The following SAE1 variants were observed in gnomAD, a reference collection of about 807,000 sequenced individuals.
SAE1 encodes the protein SUMO-activating enzyme subunit 1.
A neutral mutation model predicts 40.6 loss-of-function variants in SAE1; 11 were observed. That is an observed-to-expected ratio of 0.27 (90% CI 0.17 to 0.45). The LOEUF (loss-of-function observed/expected upper bound fraction) is 0.45. SAE1 is among the 20% of genes least tolerant of loss of function. The pLI is 1.00. For synonymous variants in SAE1, 155 were observed against 154.3 expected (o/e 1.00, Z -0.03); for missense variants, 373 against 427.3 (o/e 0.87, Z 1.12).
At chr19:47,147,358 A>G (rs1406456386) in intron 2 of SAE1, among the ~76,000 whole-genome samples, 1 of 149,434 alleles carries the variant, frequency 6.7e-6, no homozygotes, top group Non-Finnish European at 1.5e-5. Flanking sequence ...GGTGCACGCC[A>G]CCACACCTGG....
At chr19:47,181,039 C>T (rs1174374920) in intron 6 of SAE1, among the ~76,000 whole-genome samples, 5 of 151,950 alleles carry the variant, frequency 3.3e-5, no homozygotes, top group African/African-American at 9.7e-5. Flanking sequence ...AAAGAGGCCC[C>T]GGCGTGGTGG....
chr19:47,181,510 ACT>A (rs2073204076), intron 6 of SAE1, among the ~76,000 whole-genome samples: 1 of 110,728 alleles, frequency 9.0e-6, no homozygotes, highest in South Asian at 2.7e-4. Context: ...ATGGAGTCTC[ACT>A]CTGTCGCCCA....
rs34836827 is a variant in SAE1 at position 47,170,503 on chromosome 19, C to CTTTT, written c.733+598_733+601dup. 8.1e-4 allele frequency among the ~76,000 whole-genome samples: 68 copies of CTTTT among 83,926 alleles called. 2 individuals are homozygous for CTTTT. The highest frequency in any genetic ancestry group is 1.1e-3 in the East Asian group (3 of 2,708). 55.1% of individuals were successfully genotyped at this position (83,926 alleles called of 152,430 possible). ...CCAACTTCTCTTCACCGCCCCCCGC[C>CTTTT]TTTTTTTTTTTTTTTTTTTTTGAGA... On this transcript the variant is annotated intron_variant, in intron 6 of 8. Coordinates refer to ENST00000270225, the MANE Select transcript of SAE1 (RefSeq NM_005500.3).
intron 6 of SAE1, among the ~76,000 whole-genome samples, chr19:47,175,631 G>T (rs932885552): frequency 1.3e-5 from 2 of 152,192 alleles, no homozygotes; most frequent in African/African-American, 4.8e-5. Flanking sequence ...CCAGCTACTT[G>T]GGAGGCTGAG....
intron 6 of SAE1, among the ~76,000 whole-genome samples, chr19:47,177,310 C>T (rs2058475354): frequency 1.3e-5 from 2 of 152,188 alleles, no homozygotes; most frequent in South Asian, 4.1e-4. Flanking sequence ...GTGAGGACAG[C>T]TATAACAGAG....
At chr19:47,206,355 G>C (rs2058686640) in intron 8 of SAE1, among the ~76,000 whole-genome samples, 1 of 152,170 alleles carries the variant, frequency 6.6e-6, no homozygotes, top group Admixed American at 6.5e-5. Context: ...TCAGCCAGCT[G>C]GCAGGCGGGG....
intron 6 of SAE1, among the ~76,000 whole-genome samples, chr19:47,187,129 G>T (rs2058549335): frequency 6.6e-6 from 1 of 152,192 alleles, no homozygotes; most frequent in Non-Finnish European, 1.5e-5. Flanking sequence ...GTAAACAAAG[G>T]AAAGTAATGT....
intron 6 of SAE1, among the ~76,000 whole-genome samples, chr19:47,189,015 C>G (rs1026403395): frequency 2.6e-5 from 4 of 152,178 alleles, no homozygotes; most frequent in African/African-American, 9.7e-5. Context: ...CTCTGAAATG[C>G]TGTGAGAGGG....
At chr19:47,144,732 A>G (rs1459209075) in intron 2 of SAE1, among the ~76,000 whole-genome samples, 1 of 152,098 alleles carries the variant, frequency 6.6e-6, no homozygotes, top group Non-Finnish European at 1.5e-5. Context: ...ACAAAAACAA[A>G]CAACACTGGA....
At chr19:47,203,293 G>T (rs2058665615) in intron 7 of SAE1, among the ~76,000 whole-genome samples, 1 of 152,164 alleles carries the variant, frequency 6.6e-6, no homozygotes, top group Non-Finnish European at 1.5e-5. Context: ...TCTGGGAATA[G>T]CATATAGAAC....
rs552744651 is a variant in SAE1, at chr19:47,144,331, C to T, written c.210+726C>T. Among the ~76,000 whole-genome samples the T allele has an allele frequency of 2.0e-4, 29 of 147,946 alleles. 1 individual carries two copies. In the South Asian group the frequency reaches 6.2e-3, roughly 32 times the overall value. ...CCTGGGCAACAGAGTGAGACTTTGCCTTAAAAAGAAATAAATTAATGAAAG... is the reference window on the plus strand; with the variant it reads ...CCTGGGCAACAGAGTGAGACTTTGCTTTAAAAAGAAATAAATTAATGAAAG... On this transcript the variant is annotated intron_variant, in intron 2 of 8. Transcript: ENST00000270225.
At chr19:47,171,766 G>T (rs991134677) in intron 6 of SAE1, among the ~76,000 whole-genome samples, 1 of 147,444 alleles carries the variant, frequency 6.8e-6, no homozygotes, top group Non-Finnish European at 1.5e-5. Flanking sequence ...ACCTGGCTGC[G>T]CTAATTTTTG....
intron 5 of SAE1, among the ~76,000 whole-genome samples, chr19:47,160,808 C>A (rs529650797): frequency 1.3e-5 from 2 of 152,200 alleles, no homozygotes; most frequent in East Asian, 3.9e-4. Flanking sequence ...GGATTACAGG[C>A]GTGAGCCACC....
chr19:47,159,179 G>C (rs573320937), intron 5 of SAE1, among the ~76,000 whole-genome samples: 2 of 152,256 alleles, frequency 1.3e-5, no homozygotes, highest in Admixed American at 6.5e-5. Flanking sequence ...GACTAATTTG[G>C]AGTACTATTA....
intron 6 of SAE1, among the ~76,000 whole-genome samples, chr19:47,181,780 CTTTTT>C (rs36107839): frequency 1.0e-5 from 1 of 96,548 alleles, no homozygotes; most frequent in Non-Finnish European, 1.9e-5. Flanking sequence ...CACCTGGCCT[CTTTTT>C]TTTTTTTTTT....
chr19:47,168,996 T>C (rs1370553460), intron 5 of SAE1, among the ~76,000 whole-genome samples: 1 of 152,226 alleles, frequency 6.6e-6, no homozygotes, highest in African/African-American at 2.4e-5. Context: ...CTTCTGCCTA[T>C]TACTGGGCTT....
chr19:47,143,533 A>T lies in SAE1; in HGVS notation c.138A>T (p.Gly46=). ...ASRVLLVGLK[G]LGAEIAKNLI... is the part of the protein sequence containing the mutation. The stretch of plus-strand genomic sequence containing the variant: ...GGGTGCTTCTTGTCGGCTTGAAAGG[A>T]CTTGGGGCTGAAATTGCCAAGAATC... Residue 46 remains glycine, a synonymous_variant, in exon 2 of 9, where the codon GGA becomes GGT. Transcript: ENST00000270225. 1 of 1,613,912 alleles carries T rather than the reference A, an allele frequency of 6.2e-7. No homozygotes were observed. The highest frequency in any genetic ancestry group is 8.5e-7 in the Non-Finnish European group (1 of 1,179,978).
chr19:47,133,614 C>A (rs913157048), intron 1 of SAE1, among the ~76,000 whole-genome samples: 2 of 152,090 alleles, frequency 1.3e-5, no homozygotes, highest in Non-Finnish European at 2.9e-5. Flanking sequence ...TGCAGTAATC[C>A]AGTTGAGATA....
At chr19:47,202,399 T>G (rs1402051111) in intron 7 of SAE1, among the ~76,000 whole-genome samples, 1 of 151,934 alleles carries the variant, frequency 6.6e-6, no homozygotes, top group Non-Finnish European at 1.5e-5. Flanking sequence ...GCGATTCTCC[T>G]GCCTCAACCT....
Sources: gnomAD v4.1 joint callset for allele counts (sites outside exome capture counted in the v4.1 genomes callset) on GRCh38, gnomAD v4.1.1 for gene constraint, MANE v1.5 for transcripts, NCBI Gene and HGNC (gene_info 2026-07-23, HGNC 2026-07-21) for gene names.